Variants in IQCM observed in about 807,000 individuals in gnomAD.
The protein encoded by IQCM is IQ motif containing M, also known as IQ domain-containing protein M.
A neutral mutation model predicts 57.6 loss-of-function variants in IQCM; 45 were observed. The ratio of observed to expected loss-of-function variants is 0.78; its 90% CI spans 0.62 to 1.00. The LOEUF (loss-of-function observed/expected upper bound fraction) is 1.00, where lower values mean the gene tolerates loss of function less well. IQCM is among the 50% of genes least tolerant of loss of function. The pLI, the probability that IQCM is intolerant of heterozygous loss-of-function variation, is 0.00. For missense variants in IQCM, 468 were observed against 511.6 expected (o/e 0.91, Z 0.82); for synonymous variants, 148 against 158.9 (o/e 0.93, Z 0.51).
chr4:149,638,444 G>A (rs568100595), intron 7 of IQCM, among the ~76,000 whole-genome samples: 34 of 151,860 alleles, frequency 2.2e-4, no homozygotes, highest in Non-Finnish European at 4.7e-4. Flanking sequence ...ACACAAATAT[G>A]AGTAAACAAA....
At chr4:149,370,784 T>A (rs1730313464) in intron 13 of IQCM, among the ~76,000 whole-genome samples, 1 of 151,964 alleles carries the variant, frequency 6.6e-6, no homozygotes, top group African/African-American at 2.4e-5. Flanking sequence ...CTGAAATATA[T>A]AATTCTCCTT....
Position 149,674,576 on chromosome 4 carries a change from C to A in IQCM, c.565+7542G>T, listed in dbSNP as rs1360900625. 5.3e-5 allele frequency among the ~76,000 whole-genome samples: 8 copies of A among 152,044 alleles called. No individual in the cohort carries two copies. The South Asian group carries it at 8.3e-4, about 16-fold the overall frequency. On this transcript the variant is annotated intron_variant, in intron 7 of 13. Coordinates refer to ENST00000636793, the MANE Select transcript of IQCM (RefSeq NM_001363507.2). Reference sequence around the variant, plus strand: ...AGGGATGGCCTTACTGTTAGAGAGGCCTTTGGGCGAAGCATGAAAAGAGTG... The same window carrying A: ...AGGGATGGCCTTACTGTTAGAGAGGACTTTGGGCGAAGCATGAAAAGAGTG...
intron 13 of IQCM, among the ~76,000 whole-genome samples, chr4:149,426,739 C>G (rs960617034): frequency 6.6e-6 from 1 of 151,998 alleles, no homozygotes; most frequent in Admixed American, 6.6e-5. Flanking sequence ...TGGCAGCTAG[C>G]TTTCCTCAGA....
rs74907470 is a variant in IQCM at position 149,576,266 on chromosome 4, T to C, written c.749+11664A>G. Among the ~76,000 whole-genome samples, 527 of 151,854 alleles carry C rather than the reference T, an allele frequency of 3.5e-3. 2 individuals carry two copies. Among genetic ancestry groups the C allele is most frequent in the African/African-American group, 0.01 (432 of 41,494 alleles). ...TTTGTCACCCAAGTAATAAGCACAGTACCCAAAAAGTAGTTTTTTGATCCT... is the reference window on the plus strand; with the variant it reads ...TTTGTCACCCAAGTAATAAGCACAGCACCCAAAAAGTAGTTTTTTGATCCT... On this transcript the variant is annotated intron_variant, in intron 9 of 13. Coordinates refer to ENST00000636793, the MANE Select transcript of IQCM (RefSeq NM_001363507.2).
intron 12 of IQCM, among the ~76,000 whole-genome samples, chr4:149,448,020 T>C (rs982336939): frequency 6.6e-6 from 1 of 151,654 alleles, no homozygotes; most frequent in African/African-American, 2.4e-5. Context: ...ATACTACCAA[T>C]AACTTAACTA....
At position 149,359,048 on chromosome 4, in the gene IQCM, T is replaced by TAC. The variant is rs1729285079; in HGVS notation, c.1391-6983_1391-6982insGT. Among the ~76,000 whole-genome samples, 4 of 152,158 alleles carry TAC rather than the reference T, an allele frequency of 2.6e-5. No homozygotes were observed. The South Asian group carries it at 8.3e-4, about 32-fold the overall frequency. ...GGGACATCAAGGAAATTTCCCTGTT[T>TAC]CCATAAGCTGGGTAGAGAGATCATA... On this transcript the variant is annotated intron_variant, in intron 13 of 13. Coordinates refer to ENST00000636793, the MANE Select transcript of IQCM (RefSeq NM_001363507.2).
intron 12 of IQCM, among the ~76,000 whole-genome samples, chr4:149,528,629 G>A (rs1358654701): frequency 2.6e-5 from 4 of 152,134 alleles, no homozygotes; most frequent in Non-Finnish European, 4.4e-5. Flanking sequence ...TAAGCCTGAG[G>A]AATTGAGGTA....
chr4:149,601,949 G>A (rs1754336440), intron 8 of IQCM, among the ~76,000 whole-genome samples: 1 of 150,798 alleles, frequency 6.6e-6, no homozygotes, highest in Non-Finnish European at 1.5e-5. Context: ...AGCTACTTGG[G>A]AGGCTGAGGC....
chr4:149,518,003 T>C (rs531270335), intron 12 of IQCM, among the ~76,000 whole-genome samples: 1 of 152,304 alleles, frequency 6.6e-6, no homozygotes, highest in South Asian at 2.1e-4. Flanking sequence ...AGACCCCTAA[T>C]ACAGAGGTTC....
intron 8 of IQCM, among the ~76,000 whole-genome samples, chr4:149,592,858 A>G (rs576269262): frequency 1.3e-5 from 2 of 152,274 alleles, no homozygotes; most frequent in African/African-American, 4.8e-5. Context: ...TGGTTACTGT[A>G]GCCTTGTAGT....
intron 7 of IQCM, among the ~76,000 whole-genome samples, chr4:149,680,449 T>A (rs1408717890): frequency 2.0e-5 from 3 of 151,398 alleles, no homozygotes; most frequent in Non-Finnish European, 4.4e-5. Flanking sequence ...TTTTATTTTC[T>A]CAATTTCTTT....
At chr4:149,411,992 T>C (rs1733417812) in intron 13 of IQCM, among the ~76,000 whole-genome samples, 1 of 152,154 alleles carries the variant, frequency 6.6e-6, no homozygotes, top group Non-Finnish European at 1.5e-5. Flanking sequence ...TAGATGGATA[T>C]CATCATATAT....
At chr4:149,719,424 T>A (rs1370068959) in intron 5 of IQCM, among the ~76,000 whole-genome samples, 7 of 151,818 alleles carry the variant, frequency 4.6e-5, no homozygotes, top group African/African-American at 1.7e-4. Flanking sequence ...AACTAAATTA[T>A]CTGAAACAAA....
chr4:149,351,908 G>T lies in IQCM; in HGVS notation c.*43C>A, dbSNP rs1396428053. ...CTCCAGTGTTAACTTGTCTCTTTGGGTAGAGAAGTTTAACTATTACAGGTA... is the reference window on the plus strand; with the variant it reads ...CTCCAGTGTTAACTTGTCTCTTTGGTTAGAGAAGTTTAACTATTACAGGTA... On this transcript the variant is annotated 3_prime_UTR_variant, in exon 14 of 14. Transcript: ENST00000636793. 4 of 398,224 alleles carry T rather than the reference G, an allele frequency of 1.0e-5. No homozygotes were observed. The highest frequency in any genetic ancestry group is 1.8e-5 in the Non-Finnish European group (4 of 225,794). 24.7% of individuals were successfully genotyped at this position (398,224 alleles called of 1,614,324 possible). A position where few individuals can be genotyped will look rare whatever the true frequency, so the allele number is the denominator to read the frequency against.
intron 12 of IQCM, among the ~76,000 whole-genome samples, chr4:149,511,879 C>A (rs896023097): frequency 6.6e-6 from 1 of 152,110 alleles, no homozygotes; most frequent in African/African-American, 2.4e-5. Flanking sequence ...CCCTCAAAAA[C>A]CTGTGTTTAT....
chr4:149,569,155 GATC>G (rs1750922312), intron 9 of IQCM, among the ~76,000 whole-genome samples: 1 of 152,218 alleles, frequency 6.6e-6, no homozygotes, highest in Admixed American at 6.5e-5. Context: ...GTCTGGACCA[GATC>G]ATCATCATTG....
chr4:149,626,733 T>C (rs1235077995), intron 7 of IQCM, among the ~76,000 whole-genome samples: 2 of 151,972 alleles, frequency 1.3e-5, no homozygotes, highest in Non-Finnish European at 2.9e-5. Flanking sequence ...AATACTATAA[T>C]GATAAAGGAG....
chr4:149,648,665 G>A (rs969104483), intron 7 of IQCM, among the ~76,000 whole-genome samples: 18 of 151,986 alleles, frequency 1.2e-4, no homozygotes, highest in Admixed American at 6.6e-4. Flanking sequence ...ACCAAACACC[G>A]CATGTTCTCA....
chr4:149,727,262 A>C (rs1175773420), intron 5 of IQCM, among the ~76,000 whole-genome samples: 1 of 152,108 alleles, frequency 6.6e-6, no homozygotes, highest in Non-Finnish European at 1.5e-5. Context: ...GCCTCCTCAA[A>C]CTTAAAATAT....
Sources: allele counts gnomAD v4.1 joint callset (sites outside exome capture counted in the v4.1 genomes callset), GRCh38; gene constraint gnomAD v4.1.1; transcripts MANE v1.5; gene names NCBI Gene and HGNC (gene_info 2026-07-23, HGNC 2026-07-21).